RIN3: variants seen among roughly 807,000 people sequenced by gnomAD.
RIN3 encodes Ras and Rab interactor 3.
Under a neutral mutation model 76.3 loss-of-function variants are expected in RIN3, and 54 were observed. The observed-to-expected ratio is 0.71, with a 90% CI of 0.57 to 0.89. The LOEUF (loss-of-function observed/expected upper bound fraction) is 0.89. Among genes scored for constraint, RIN3 ranks in the 40% least tolerant of loss-of-function variants. RIN3 has a pLI of 0.00. For missense variants in RIN3, 1,256 were observed against 1,322.1 expected (o/e 0.95, Z 0.78); for synonymous variants, 576 against 564.0 (o/e 1.02, Z -0.30).
At chr14:92,524,556 A>C (rs942226899) in intron 1 of RIN3, among the ~76,000 whole-genome samples, 2 of 152,252 alleles carry the variant, frequency 1.3e-5, no homozygotes, top group African/African-American at 4.8e-5. Context: ...AGAGGCCCCA[A>C]GAATGGCCTG....
At position 92,636,726 on chromosome 14, in the gene RIN3, A is replaced by G. The variant is rs1047804684; in HGVS notation, c.441-4512A>G. On this transcript the variant is annotated intron_variant, in intron 4 of 9. Transcript: ENST00000216487. ...GAGAAAGCAAGCTGCAGAGCAATTG[A>G]TGGAACATAATGCCATTTTCACTTT... 2.0e-5 allele frequency among the ~76,000 whole-genome samples: 3 copies of G among 152,140 alleles called. No individual in the cohort carries two copies. In the East Asian group the frequency reaches 5.8e-4, roughly 29 times the overall value.
Position 92,688,516 on chromosome 14 carries a change from G to C in RIN3, c.*264G>C. 2 of 515,062 alleles carry C rather than the reference G, an allele frequency of 3.9e-6. No individual in the cohort carries two copies. Among genetic ancestry groups the C allele is most frequent in the Non-Finnish European group, 6.9e-6 (2 of 290,790 alleles). The allele number at this position is 515,062 out of a possible 1,614,324, so 31.9% of individuals were successfully genotyped here. A position where few individuals can be genotyped will look rare whatever the true frequency, so the allele number is the denominator to read the frequency against. ...GGAAACTGAGGCTCAGGAGAGAGGC[G>C]CTCCAGGCCGCTGCAGCCAACAAAC... is the stretch of plus-strand genomic sequence containing the variant. On this transcript the variant is annotated 3_prime_UTR_variant, in exon 10 of 10. Transcript: ENST00000216487.
At chr14:92,558,309 A>G (rs959902712) in intron 2 of RIN3, among the ~76,000 whole-genome samples, 1 of 152,218 alleles carries the variant, frequency 6.6e-6, no homozygotes, top group African/African-American at 2.4e-5. Flanking sequence ...AGATCACGCC[A>G]CTGTACTCCA....
intron 4 of RIN3, among the ~76,000 whole-genome samples, chr14:92,627,199 G>C (rs1165192456): frequency 6.6e-6 from 1 of 152,092 alleles, no homozygotes; most frequent in East Asian, 1.9e-4. Context: ...CCCCTTGACT[G>C]TGTGTGTGGC....
At chr14:92,663,848 G>A (rs917962624) in intron 7 of RIN3, among the ~76,000 whole-genome samples, 1 of 152,196 alleles carries the variant, frequency 6.6e-6, no homozygotes, top group African/African-American at 2.4e-5. Flanking sequence ...AAATGAGGGT[G>A]ATACACTTGT....
intron 4 of RIN3, among the ~76,000 whole-genome samples, chr14:92,618,302 T>A (rs1319123829): frequency 1.3e-5 from 2 of 152,118 alleles, no homozygotes; most frequent in South Asian, 4.1e-4. Flanking sequence ...GTGGAGGCCT[T>A]AATCTGTGAA....
chr14:92,674,823 A>G (rs1443547214), intron 7 of RIN3, among the ~76,000 whole-genome samples: 1 of 148,218 alleles, frequency 6.7e-6, no homozygotes, highest in Non-Finnish European at 1.5e-5. Flanking sequence ...CGTGAGGCGG[A>G]GGTTGCAGTG....
intron 1 of RIN3, among the ~76,000 whole-genome samples, chr14:92,550,015 A>G (rs1298197224): frequency 6.6e-6 from 1 of 152,190 alleles, no homozygotes; most frequent in Non-Finnish European, 1.5e-5. Context: ...GGCTCTGCCA[A>G]CAGATGGCTG....
intron 7 of RIN3, among the ~76,000 whole-genome samples, chr14:92,667,197 T>C (rs1888135880): frequency 6.6e-6 from 1 of 152,092 alleles, no homozygotes; most frequent in South Asian, 2.1e-4. Context: ...AGGCTGTTGA[T>C]TTTTTTAAAT....
chr14:92,641,897 C>T (rs929663583), intron 5 of RIN3, among the ~76,000 whole-genome samples: 1 of 152,140 alleles, frequency 6.6e-6, no homozygotes, highest in African/African-American at 2.4e-5. Context: ...AGAAAGAACT[C>T]ACGTTTAGTG....
chr14:92,602,472 G>T lies in RIN3; in HGVS notation c.368-12935G>T, dbSNP rs80267197. Reference sequence around the variant, plus strand: ...AAAGGCACCTGCTATACTGGCTGGCGGGCCATGGTCACAACTTGGCCACAG... The same window carrying T: ...AAAGGCACCTGCTATACTGGCTGGCTGGCCATGGTCACAACTTGGCCACAG... On this transcript the variant is annotated intron_variant, in intron 3 of 9. Transcript: ENST00000216487. 2.6e-5 allele frequency among the ~76,000 whole-genome samples: 4 copies of T among 152,104 alleles called. No individual in the cohort carries two copies. The East Asian group carries it at 7.7e-4, about 29-fold the overall frequency.
intron 4 of RIN3, among the ~76,000 whole-genome samples, chr14:92,616,417 C>T (rs771960615): frequency 6.6e-6 from 1 of 151,740 alleles, no homozygotes; most frequent in Non-Finnish European, 1.5e-5. Context: ...CGTAAAGTTA[C>T]AAAGTCTTTT....
chr14:92,677,555 G>A (rs906333090), intron 8 of RIN3, among the ~76,000 whole-genome samples: 4 of 152,126 alleles, frequency 2.6e-5, no homozygotes, highest in African/African-American at 9.7e-5. Context: ...GCGTGTTAAA[G>A]CCATGACGTT....
At chr14:92,536,398 C>T (rs529641238) in intron 1 of RIN3, among the ~76,000 whole-genome samples, 1 of 152,256 alleles carries the variant, frequency 6.6e-6, no homozygotes, top group African/African-American at 2.4e-5. Flanking sequence ...CATAAGCACT[C>T]ATCAGTAGGA....
rs1274200272 is a variant in RIN3 at position 92,555,899 on chromosome 14, C to T, written c.193C>T (p.Gln65Ter). 2 of 1,613,986 alleles carry T rather than the reference C, an allele frequency of 1.2e-6. No individual in the cohort carries two copies. The highest frequency in any genetic ancestry group is 1.7e-5 in the Admixed American group (1 of 60,014). ...KLIKTCPVWL[Q>*]LSLGQAEVAR... The stretch of plus-strand genomic sequence containing the variant: ...CATCAAAACATGCCCGGTGTGGCTG[C>T]AGCTGAGTCTGGGCCAGGCAGAGGT... Residue 65 changes from glutamine to a stop codon, truncating the protein, a stop_gained, in exon 2 of 10, where the codon CAG (glutamine) becomes TAG (stop). Coordinates refer to ENST00000216487, the MANE Select transcript of RIN3 (RefSeq NM_024832.5). LOFTEE classifies it high-confidence loss of function.
intron 9 of RIN3, chr14:92,686,022 C>G (rs1888844604): frequency 6.6e-6 from 1 of 152,528 alleles, no homozygotes; most frequent in Non-Finnish European, 1.5e-5. Context: ...GCGCCAAGCC[C>G]AGGGCCTGGG....
chr14:92,614,820 T>C (rs1019114871), intron 3 of RIN3, among the ~76,000 whole-genome samples: 1 of 143,176 alleles, frequency 7.0e-6, no homozygotes, highest in Non-Finnish European at 1.5e-5. Context: ...TATATATATA[T>C]AAATTATCCA....
At chr14:92,591,785 ACAGT>A (rs1268987785) in intron 3 of RIN3, among the ~76,000 whole-genome samples, 1 of 151,640 alleles carries the variant, frequency 6.6e-6, no homozygotes, top group Non-Finnish European at 1.5e-5. Context: ...GAACAAACAA[ACAGT>A]CAGGGGATTT....
Position 92,652,294 on chromosome 14 carries a change from C to T in RIN3, c.1245C>T (p.Pro415=), listed in dbSNP as rs992070031. 1.2e-6 allele frequency: 2 copies of T among 1,610,080 alleles called. No homozygotes were observed. The highest frequency in any genetic ancestry group is 2.2e-5 in the South Asian group (2 of 90,758). Residue 415 remains proline, a synonymous_variant, in exon 6 of 10, where the codon CCC becomes CCT. Coordinates refer to ENST00000216487, the MANE Select transcript of RIN3 (RefSeq NM_024832.5). The surrounding 1 kb of genome is among the most constrained non-coding windows in gnomAD (Gnocchi z 6.4). ...AGGGGGACCAGCTCAGCCTGCCTCC[C>T]CAAGGGACCTCAGACGGCCCTGAGG... ...AAEGDQLSLP[P]QGTSDGPEDT... is the part of the protein sequence containing the mutation.
Sources: allele counts gnomAD v4.1 joint callset (sites outside exome capture counted in the v4.1 genomes callset), GRCh38; gene constraint gnomAD v4.1.1; non-coding constraint Gnocchi (gnomAD v3.1); transcripts MANE v1.5; gene names NCBI Gene and HGNC (gene_info 2026-07-23, HGNC 2026-07-21).